SUN3: variants seen among roughly 807,000 people sequenced by gnomAD.
SUN3 encodes Sad1 and UNC84 domain containing 3, also known as SUN domain-containing protein 3.
In SUN3, 36 loss-of-function variants were observed where a neutral mutation model predicts 48.2. The ratio of observed to expected loss-of-function variants is 0.75; its 90% CI spans 0.57 to 0.99. The LOEUF (loss-of-function observed/expected upper bound fraction) is 0.99. Ranked by LOEUF, SUN3 falls within the 50% of genes least tolerant of loss-of-function variation. The pLI is 0.00. For missense variants in SUN3, 419 were observed against 433.1 expected (o/e 0.97, Z 0.29); for synonymous variants, 148 against 147.9 (o/e 1.00, Z 0.00).
At position 48,029,047 on chromosome 7, in the gene SUN3, G is replaced by A; in HGVS notation, c.-109C>T. ...TACATACAGTTTCTAAATTTGTTTT[G>A]TATAATGTCTTCTTCCTCCACGGGT... On this transcript the variant is annotated 5_prime_UTR_variant, in exon 1 of 10. Transcript: ENST00000297325. The A allele has an allele frequency of 6.7e-7, 1 of 1,485,306 alleles. No homozygotes were observed. Among genetic ancestry groups the A allele is most frequent in the African/African-American group, 1.4e-5 (1 of 70,756 alleles). 92.0% of individuals were successfully genotyped at this position (1,485,306 alleles called of 1,614,324 possible). A position where few individuals can be genotyped will look rare whatever the true frequency, so the allele number is the denominator to read the frequency against.
chr7:48,009,904 G>A (rs1789636388), intron 3 of SUN3, among the ~76,000 whole-genome samples: 1 of 152,120 alleles, frequency 6.6e-6, no homozygotes, highest in Non-Finnish European at 1.5e-5. Flanking sequence ...TCCTGTCACT[G>A]AGAAGAACTT....
intron 3 of SUN3, among the ~76,000 whole-genome samples, chr7:48,016,624 CCAGTGTCAGG>C (rs1377630663): frequency 6.6e-6 from 1 of 152,088 alleles, no homozygotes; most frequent in Non-Finnish European, 1.5e-5. Flanking sequence ...ATACTCCTGT[CCAGTGTCAGG>C]CAGTGTCAGG....
intron 6 of SUN3, among the ~76,000 whole-genome samples, chr7:48,003,868 T>C (rs1562604061): frequency 6.6e-6 from 1 of 152,156 alleles, no homozygotes; most frequent in East Asian, 1.9e-4. Flanking sequence ...ATAGTTTGAC[T>C]TCCTCTCTTC....
chr7:48,023,333 A>G (rs369748301), intron 2 of SUN3, among the ~76,000 whole-genome samples: 3 of 152,168 alleles, frequency 2.0e-5, no homozygotes, highest in South Asian at 4.1e-4. Flanking sequence ...GCATTCTATT[A>G]AAGTTAATTT....
chr7:48,004,887 T>G (rs1789481878), intron 6 of SUN3, among the ~76,000 whole-genome samples: 1 of 152,244 alleles, frequency 6.6e-6, no homozygotes, highest in Non-Finnish European at 1.5e-5. Context: ...CTCACGTAGT[T>G]GCTTTTTGAA....
rs1789838981 is a variant in SUN3 at position 48,017,283 on chromosome 7, A to C, written c.267T>G (p.Gly89=). ...TCACCTGATATTTATAAAGCCTTGA[A>C]CCATATTCTGCAATTATGGCATATA... ...RQLYAIIAEY[G]SRLYKYQARL... Residue 89 remains glycine, a synonymous_variant, in exon 3 of 10, where the codon GGT becomes GGG. Coordinates refer to ENST00000297325, the MANE Select transcript of SUN3 (RefSeq NM_001030019.2). The C allele has an allele frequency of 6.3e-7, 1 of 1,595,036 alleles. No homozygotes were observed. The highest frequency in any genetic ancestry group is 1.3e-5 in the African/African-American group (1 of 74,486).
chr7:48,015,629 T>C (rs1789790467), intron 3 of SUN3, among the ~76,000 whole-genome samples: 1 of 152,202 alleles, frequency 6.6e-6, no homozygotes, highest in African/African-American at 2.4e-5. Flanking sequence ...GAAGTCACTA[T>C]GGGTTAAAAG....
chr7:48,026,223 ATTCTTAAAATACTT>A (rs1463440001), intron 1 of SUN3, among the ~76,000 whole-genome samples: 1 of 152,142 alleles, frequency 6.6e-6, no homozygotes, highest in Non-Finnish European at 1.5e-5. Flanking sequence ...GTCTATTTAT[ATTCTTAAAATACTT>A]ATAAGAAAAA....
chr7:48,012,677 G>A (rs1789716079), intron 3 of SUN3, among the ~76,000 whole-genome samples: 3 of 152,344 alleles, frequency 2.0e-5, no homozygotes, highest in East Asian at 1.9e-4. Context: ...AAATATTGGA[G>A]TAAGTAATTT....
chr7:48,023,282 G>GA (rs905312366), intron 2 of SUN3, among the ~76,000 whole-genome samples: 5 of 151,664 alleles, frequency 3.3e-5, no homozygotes, highest in African/African-American at 9.7e-5. Flanking sequence ...TCATAAGGAG[G>GA]AAAAAAAAGA....
At chr7:48,019,095 T>G (rs140365141) in intron 2 of SUN3, among the ~76,000 whole-genome samples, 25 of 152,220 alleles carry the variant, frequency 1.6e-4, no homozygotes, top group African/African-American at 6.0e-4. Flanking sequence ...AAAGAATCAG[T>G]TAACTTAAAG....
chr7:48,008,147 A>G (rs934403950), intron 4 of SUN3, among the ~76,000 whole-genome samples: 3 of 152,166 alleles, frequency 2.0e-5, no homozygotes, highest in Non-Finnish European at 4.4e-5. Flanking sequence ...CTATGTTTAC[A>G]GTTTGAAAAT....
intron 6 of SUN3, among the ~76,000 whole-genome samples, chr7:47,998,225 C>T (rs1789264944): frequency 6.6e-6 from 1 of 152,170 alleles, no homozygotes; most frequent in African/African-American, 2.4e-5. Flanking sequence ...ATGCGGTTGC[C>T]AGCACTTAGT....
upstream of SUN3, among the ~76,000 whole-genome samples, chr7:48,030,826 C>T (rs926719545): frequency 3.3e-5 from 5 of 152,192 alleles, no homozygotes; most frequent in East Asian, 1.9e-4. Flanking sequence ...AGAATAAATC[C>T]GCACATATAC....
At chr7:48,014,031 G>C (rs938414348) in intron 3 of SUN3, among the ~76,000 whole-genome samples, 8 of 152,196 alleles carry the variant, frequency 5.3e-5, no homozygotes, top group African/African-American at 1.4e-4. Flanking sequence ...AGTGGCACAA[G>C]CACAGCTGAC....
intron 1 of SUN3, among the ~76,000 whole-genome samples, chr7:48,027,264 T>C (rs1264341732): frequency 1.3e-5 from 2 of 152,236 alleles, no homozygotes; most frequent in Non-Finnish European, 2.9e-5. Flanking sequence ...TTTGGGGCTA[T>C]GATAAACAAT....
In SUN3 at chr7:48,029,056, C is replaced by A. The variant is rs1790216416; in HGVS notation, c.-118G>T. The A allele has an allele frequency of 7.1e-7, 1 of 1,411,938 alleles. No individual in the cohort carries two copies. The highest frequency in any genetic ancestry group is 1.4e-5 in the African/African-American group (1 of 68,980). 87.5% of individuals were successfully genotyped at this position (1,411,938 alleles called of 1,614,324 possible). On this transcript the variant is annotated 5_prime_UTR_variant, in exon 1 of 10. Coordinates refer to ENST00000297325, the MANE Select transcript of SUN3 (RefSeq NM_001030019.2). Reference sequence around the variant, plus strand: ...TTTCTAAATTTGTTTTGTATAATGTCTTCTTCCTCCACGGGTGTTTCTTCT... The same window carrying A: ...TTTCTAAATTTGTTTTGTATAATGTATTCTTCCTCCACGGGTGTTTCTTCT...
Position 48,025,958 on chromosome 7 carries a change from G to T in SUN3, c.123-20C>A. 1 of 1,544,374 alleles carries T rather than the reference G, an allele frequency of 6.5e-7. No homozygotes were observed. Among genetic ancestry groups the T allele is most frequent in the South Asian group, 1.1e-5 (1 of 86,968 alleles). On this transcript the variant is annotated intron_variant, in intron 1 of 9. Coordinates refer to ENST00000297325, the MANE Select transcript of SUN3 (RefSeq NM_001030019.2). ...GTTACCCTAAAAGAATAAAAACAAT[G>T]ATTAGAAAAAGAATTTAACAACATC...
chr7:48,001,846 CT>C (rs1789386899), intron 6 of SUN3, among the ~76,000 whole-genome samples: 1 of 152,040 alleles, frequency 6.6e-6, no homozygotes, highest in Non-Finnish European at 1.5e-5. Context: ...AGTTCCATGT[CT>C]TTTCTATTGT....
Sources: allele counts gnomAD v4.1 joint callset (sites outside exome capture counted in the v4.1 genomes callset), GRCh38; gene constraint gnomAD v4.1.1; transcripts MANE v1.5; gene names NCBI Gene and HGNC (gene_info 2026-07-23, HGNC 2026-07-21).